Variants in OIT3 observed in about 807,000 individuals in gnomAD.
The protein encoded by OIT3 is oncoprotein-induced transcript 3 protein.
In OIT3, 41 loss-of-function variants were observed where a neutral mutation model predicts 52.2. That is an observed-to-expected ratio of 0.79 (90% confidence interval 0.61 to 1.02). OIT3 has a LOEUF of 1.02. Among genes scored for constraint, OIT3 ranks in the 50% least tolerant of loss-of-function variants. OIT3 has a pLI of 0.00. For synonymous variants in OIT3, 244 were observed against 276.9 expected (o/e 0.88, Z 1.18); for missense variants, 634 against 715.5 (o/e 0.89, Z 1.30).
intron 1 of OIT3, among the ~76,000 whole-genome samples, 166 bp downstream of exon 1, chr10:72,894,025 G>C (rs908275276): frequency 2.0e-5 from 3 of 152,106 alleles, no homozygotes; most frequent in Non-Finnish European, 2.9e-5. Flanking sequence ...GAGAATTTCT[G>C]TTACATGTTC....
chr10:72,932,565 C>A lies in OIT3; in HGVS notation c.*41C>A. On this transcript the variant is annotated 3_prime_UTR_variant, in exon 9 of 9. Transcript: ENST00000334011. ...CGAGTCCCTGCATTGGACGGCTCTG[C>A]TCTTTGGAGCTTCTCCCCCCACCGC... 1.3e-6 allele frequency: 2 copies of A among 1,517,950 alleles called. No homozygotes were observed. Among genetic ancestry groups the A allele is most frequent in the Non-Finnish European group, 1.8e-6 (2 of 1,127,422 alleles). 94.0% of individuals were successfully genotyped at this position (1,517,950 alleles called of 1,614,324 possible).
At chr10:72,927,148 T>C (rs1271741561) in intron 7 of OIT3, among the ~76,000 whole-genome samples, 1 of 152,180 alleles carries the variant, frequency 6.6e-6, no homozygotes, top group Non-Finnish European at 1.5e-5. Flanking sequence ...TTTATTTTAT[T>C]TCCTTTTTGA....
At chr10:72,897,549 A>G (rs1383956252) in intron 1 of OIT3, among the ~76,000 whole-genome samples, 1 of 152,210 alleles carries the variant, frequency 6.6e-6, no homozygotes, top group East Asian at 1.9e-4. Flanking sequence ...TGGTAACAAC[A>G]TGCTAGTATA....
intron 3 of OIT3, among the ~76,000 whole-genome samples, chr10:72,900,688 A>G (rs750932783): frequency 2.6e-5 from 4 of 152,182 alleles, no homozygotes; most frequent in Non-Finnish European, 5.9e-5. Context: ...TGTGCCCTCC[A>G]CTAGGGTAGC....
At chr10:72,907,528 C>T (rs1276676254) in intron 4 of OIT3, among the ~76,000 whole-genome samples, 3 of 152,174 alleles carry the variant, frequency 2.0e-5, no homozygotes, top group Non-Finnish European at 2.9e-5. Context: ...CTGAGAAGCA[C>T]CTGGGGCTTT....
At chr10:72,918,880 G>A (rs879725003) in intron 6 of OIT3, among the ~76,000 whole-genome samples, 3 of 152,134 alleles carry the variant, frequency 2.0e-5, no homozygotes, top group Non-Finnish European at 2.9e-5. Context: ...CTGTAGCCCT[G>A]TAGCATAATT....
chr10:72,926,744 A>G (rs113092022), intron 7 of OIT3, among the ~76,000 whole-genome samples: 2 of 152,324 alleles, frequency 1.3e-5, no homozygotes, highest in African/African-American at 4.8e-5. Flanking sequence ...GATTTCTAAA[A>G]AACCTTAACA....
intron 4 of OIT3, among the ~76,000 whole-genome samples, chr10:72,907,065 A>C (rs962567051): frequency 2.0e-5 from 3 of 152,044 alleles, no homozygotes; most frequent in African/African-American, 7.2e-5. Context: ...CCAGGAGTTT[A>C]AGACCAGCCT....
At chr10:72,925,252 T>C (rs1379733364) in intron 7 of OIT3, among the ~76,000 whole-genome samples, 1 of 151,858 alleles carries the variant, frequency 6.6e-6, no homozygotes, top group Non-Finnish European at 1.5e-5. Flanking sequence ...CAAAATGACA[T>C]ATTGAATAAT....
intron 3 of OIT3, among the ~76,000 whole-genome samples, chr10:72,903,459 C>T (rs960584387): frequency 2.0e-5 from 3 of 152,180 alleles, no homozygotes; most frequent in Non-Finnish European, 2.9e-5. Context: ...AGCTCCTGAC[C>T]TCAGGTGATC....
rs1333660502 is a variant in OIT3 at position 72,906,733 on chromosome 10, A to T, written c.667+15A>T. The T allele has an allele frequency of 2.6e-6, 4 of 1,538,506 alleles. No homozygotes were observed. The African/African-American group carries it at 5.6e-5, about 22-fold the overall frequency. On this transcript the variant is annotated intron_variant, in intron 4 of 8. Coordinates refer to ENST00000334011, the MANE Select transcript of OIT3 (RefSeq NM_152635.3). ...GACTTGTGAAGGTGAGAATGGGCAAAAAGGGACCCAAATCAAGAGCCCAGA... is the reference window on the plus strand; with the variant it reads ...GACTTGTGAAGGTGAGAATGGGCAATAAGGGACCCAAATCAAGAGCCCAGA...
At chr10:72,927,884 G>T (rs1483402437) in intron 7 of OIT3, among the ~76,000 whole-genome samples, 2 of 151,930 alleles carry the variant, frequency 1.3e-5, no homozygotes, top group African/African-American at 2.4e-5. Context: ...GCCTTTCCTG[G>T]CACCTTTCTC....
chr10:72,899,951 T>C (rs1239294355), intron 2 of OIT3, among the ~76,000 whole-genome samples: 1 of 152,206 alleles, frequency 6.6e-6, no homozygotes, highest in African/African-American at 2.4e-5. Context: ...ACTTTCTTAG[T>C]CTATAGCTCT....
chr10:72,918,925 CT>C (rs926615120), intron 6 of OIT3, among the ~76,000 whole-genome samples: 6 of 152,042 alleles, frequency 3.9e-5, no homozygotes, highest in African/African-American at 1.4e-4. Context: ...CAGCTTTGTT[CT>C]TTTGCTTAGG....
intron 1 of OIT3, among the ~76,000 whole-genome samples, chr10:72,894,707 G>C (rs543350150): frequency 6.6e-6 from 1 of 152,008 alleles, no homozygotes; most frequent in Non-Finnish European, 1.5e-5. Flanking sequence ...GTGAAACTCC[G>C]TCTCTACTAA....
Position 72,913,334 on chromosome 10 carries a change from A to T in OIT3, c.817A>T (p.Ile273Phe). 1 of 1,611,758 alleles carries T rather than the reference A, an allele frequency of 6.2e-7. No homozygotes were observed. ...QVPVLCKSNA[I>F]EVNIPRELVG... is the part of the protein sequence containing the mutation. ...CCCTGTGTTGTGCAAATCAAATGCC[A>T]TTGAAGTGAACATCCCCAGGGAGCT... is the stretch of plus-strand genomic sequence containing the variant. The change falls in exon 6 of 9, where the codon ATT becomes TTT. Residue 273 changes from isoleucine to phenylalanine, a missense_variant. Transcript: ENST00000334011.
At chr10:72,930,854 C>T (rs1195456996) in intron 8 of OIT3, among the ~76,000 whole-genome samples, 1 of 152,018 alleles carries the variant, frequency 6.6e-6, no homozygotes, top group Non-Finnish European at 1.5e-5. Flanking sequence ...CTCATACCAC[C>T]TGCCAAAATA....
chr10:72,916,222 T>C (rs929395717), intron 6 of OIT3, among the ~76,000 whole-genome samples: 3 of 152,190 alleles, frequency 2.0e-5, no homozygotes, highest in African/African-American at 7.2e-5. Flanking sequence ...GTTTGTTACA[T>C]ATGTAAATGT....
At position 72,932,477 on chromosome 10, in the gene OIT3, G is replaced by A. The variant is rs746891514; in HGVS notation, c.1591G>A (p.Gly531Ser). The A allele has an allele frequency of 5.6e-6, 9 of 1,613,520 alleles. No homozygotes were observed. In the South Asian group the frequency reaches 9.9e-5, roughly 18 times the overall value. Residue 531 changes from glycine to serine, a missense_variant, in exon 9 of 9, where the codon GGC (glycine) becomes AGC (serine). Physicochemically the swap from Gly to Ser is moderately conservative, Grantham distance 56. Transcript: ENST00000334011. ...AGGAGAGGACTCAGCCGGTCTACAG[G>A]GCCAGACGCTAACAGGCGGCCCGAT... is the stretch of plus-strand genomic sequence containing the variant. ...AGGEDSAGLQ[G>S]QTLTGGPIRI...
Sources: gnomAD v4.1 joint callset for allele counts (sites outside exome capture counted in the v4.1 genomes callset) on GRCh38, gnomAD v4.1.1 for gene constraint, MANE v1.5 for transcripts, NCBI Gene and HGNC (gene_info 2026-07-23, HGNC 2026-07-21) for gene names.